PSD2: variants seen among roughly 807,000 people sequenced by gnomAD.
PSD2 encodes PH and SEC7 domain-containing protein 2.
Under a neutral mutation model 69.8 loss-of-function variants are expected in PSD2, and 38 were observed. The observed-to-expected ratio is 0.54, with a 90% CI of 0.42 to 0.71. The LOEUF is 0.71. Among genes scored for constraint, PSD2 ranks in the 30% least tolerant of loss-of-function variants. The pLI, the probability that PSD2 is intolerant of heterozygous loss-of-function variation, is 0.00. For synonymous variants in PSD2, 412 were observed against 423.0 expected, an observed-to-expected ratio of 0.97 and a Z score of 0.32; for missense variants, 943 against 1,014.5, an observed-to-expected ratio of 0.93 and a Z score of 0.96.
chr5:139,817,478 C>A lies in PSD2; in HGVS notation c.1017-3C>A. The A allele has an allele frequency of 1.2e-6, 2 of 1,613,568 alleles. No individual in the cohort carries two copies. Among genetic ancestry groups the A allele is most frequent in the South Asian group, 1.1e-5 (1 of 91,080 alleles). On this transcript the variant is annotated splice_region_variant and splice_polypyrimidine_tract_variant and intron_variant, in intron 4 of 14. Transcript: ENST00000274710. ...TAACAGACATCCCATACTCTCCTGG[C>A]AGCAACGAGTTTAGCAGGCTGGTGG... is the stretch of plus-strand genomic sequence containing the variant.
chr5:139,764,661 C>T, the PSD2 span, among the ~76,000 whole-genome samples: 6 of 152,160 alleles, frequency 3.9e-5, no homozygotes, highest in Non-Finnish European at 7.4e-5. Context: ...CCCTCCCGGC[C>T]CAGCAGCCAG....
chr5:139,826,137 G>A (rs1417898115), intron 7 of PSD2, among the ~76,000 whole-genome samples: 1 of 152,174 alleles, frequency 6.6e-6, no homozygotes, highest in Non-Finnish European at 1.5e-5. Context: ...TGGGTGGGAT[G>A]GTCAAGGTCA....
intron 1 of PSD2, among the ~76,000 whole-genome samples, chr5:139,796,895 A>G (rs983012761): frequency 2.6e-5 from 4 of 152,146 alleles, no homozygotes; most frequent in Non-Finnish European, 5.9e-5. Context: ...GCCAGGCTGA[A>G]TTTGATGGGG....
In PSD2 at chr5:139,821,973, G is replaced by A; in HGVS notation, c.1178G>A (p.Cys393Tyr). The A allele has an allele frequency of 1.9e-6, 3 of 1,609,576 alleles. No individual in the cohort carries two copies. Among genetic ancestry groups the A allele is most frequent in the East Asian group, 2.2e-5 (1 of 44,670 alleles). Reference sequence around the variant, plus strand: ...CTCACACACTTCTCCCGCCGGTACTGCCAGTGCAACCCTGATGACAGCACT... The same window carrying A: ...CTCACACACTTCTCCCGCCGGTACTACCAGTGCAACCCTGATGACAGCACT... ...RVLTHFSRRY[C>Y]QCNPDDSTSE... Residue 393 changes from cysteine (C) to tyrosine (Y), a missense_variant, in exon 6 of 15, where the codon TGC (cysteine) becomes TAC (tyrosine). By Grantham distance (194) the Cys-to-Tyr change is radical. Coordinates refer to ENST00000274710, the MANE Select transcript of PSD2 (RefSeq NM_032289.4).
At chr5:139,772,950 C>A in the PSD2 span, 2 of 152,184 alleles carry the variant, frequency 1.3e-5, no homozygotes, top group African/African-American at 4.8e-5. Flanking sequence ...GATACAGGTA[C>A]TGTTCTTATG....
At chr5:139,813,812 C>T in intron 3 of PSD2, 54 bp downstream of exon 3, 1 of 1,467,726 alleles carries the variant, frequency 6.8e-7, no homozygotes, top group Non-Finnish European at 9.2e-7. Context: ...AAACTGAGAC[C>T]CAGAGGGGGC....
chr5:139,768,381 T>C, the PSD2 span, among the ~76,000 whole-genome samples: 1 of 152,140 alleles, frequency 6.6e-6, no homozygotes, highest in African/African-American at 2.4e-5. Flanking sequence ...AAAGAGAATG[T>C]GACCCACTCA....
Position 139,809,766 on chromosome 5 carries a change from A to G in PSD2, c.326A>G (p.Asn109Ser), listed in dbSNP as rs780382846. The G allele has an allele frequency of 8.7e-6, 14 of 1,614,194 alleles. No individual in the cohort carries two copies. The African/African-American group carries it at 1.1e-4, about 12-fold the overall frequency. ...GCTGGCGTGCTGGCAGAGGGGGACA[A>G]TGCTTCCAGGAGCCTCTACCCAGAT... ...WRAGVLAEGDNASRSLYPDAE... is the reference protein window; with the variant it reads ...WRAGVLAEGDSASRSLYPDAE... Residue 109 changes from asparagine to serine, a missense_variant, in exon 2 of 15, where the codon AAT becomes AGT. Asn to Ser is a conservative substitution (Grantham distance 46, BLOSUM62 1). Around this residue, in one of 3 missense-constraint regions of PSD2, gnomAD observed 466 missense variants for 445.0 expected, o/e 1.05. Coordinates refer to ENST00000274710, the MANE Select transcript of PSD2 (RefSeq NM_032289.4).
intron 8 of PSD2, among the ~76,000 whole-genome samples, chr5:139,835,266 C>G (rs899028922): frequency 3.9e-5 from 6 of 151,960 alleles, no homozygotes; most frequent in Admixed American, 2.6e-4. Flanking sequence ...CCTCTGTCTA[C>G]CCACCCATCT....
chr5:139,822,099 G>A (rs576516949), intron 6 of PSD2, 94 bp downstream of exon 6: 2 of 713,994 alleles, frequency 2.8e-6, no homozygotes, highest in East Asian at 2.7e-5. Context: ...CTTCGGTCCT[G>A]TTGCCAGGCC....
At position 139,814,130 on chromosome 5, in the gene PSD2, G is replaced by A. The variant is rs199986764; in HGVS notation, c.822-40G>A. 5.6e-6 allele frequency: 9 copies of A among 1,598,676 alleles called. 1 individual carries two copies. The Admixed American group carries it at 8.8e-5, about 16-fold the overall frequency. On this transcript the variant is annotated intron_variant, in intron 3 of 14. Transcript: ENST00000274710. The surrounding 1 kb of genome is among the most constrained non-coding windows in gnomAD (Gnocchi z 4.4). ...GCCTCCTCTGGGGCCTTTGACCCTG[G>A]GCCTCTGACGCTACTCTTCCACCCA... is the stretch of plus-strand genomic sequence containing the variant.
chr5:139,809,915 CAT>C, intron 2 of PSD2, 104 bp downstream of exon 2: 1 of 1,267,314 alleles, frequency 7.9e-7, no homozygotes, highest in South Asian at 1.3e-5. Flanking sequence ...TTTTCTCACA[CAT>C]AAAATGGGGA....
intron 7 of PSD2, among the ~76,000 whole-genome samples, chr5:139,833,096 T>C (rs1270584712): frequency 6.6e-6 from 1 of 152,154 alleles, no homozygotes; most frequent in Non-Finnish European, 1.5e-5. Context: ...GCTGCCCCTC[T>C]GTGCAGGTGA....
intron 1 of PSD2, among the ~76,000 whole-genome samples, chr5:139,797,401 G>A (rs1405443309): frequency 1.3e-5 from 2 of 152,222 alleles, no homozygotes; most frequent in East Asian, 3.9e-4. Context: ...TCCTTGGAAG[G>A]CCTCCCTCAC....
the PSD2 span, among the ~76,000 whole-genome samples, chr5:139,746,969 G>A: frequency 1.3e-5 from 2 of 152,166 alleles, no homozygotes; most frequent in Admixed American, 1.3e-4. This position sits in a 1 kb window ranked among gnomAD's most constrained non-coding sequence, Gnocchi z 4.5. Context: ...GCTCGAGGCA[G>A]CCTGCATTTC....
chr5:139,755,125 C>T, the PSD2 span, among the ~76,000 whole-genome samples: 1 of 152,340 alleles, frequency 6.6e-6, no homozygotes, highest in South Asian at 2.1e-4. Flanking sequence ...CCATCTGCCC[C>T]AGCCTCATGG....
At chr5:139,823,213 C>T (rs1386571453) in intron 7 of PSD2, among the ~76,000 whole-genome samples, 5 of 152,218 alleles carry the variant, frequency 3.3e-5, no homozygotes, top group South Asian at 4.1e-4. Flanking sequence ...GTGTCTGGTC[C>T]AGGCCCCAGG....
chr5:139,752,352 C>T, the PSD2 span, among the ~76,000 whole-genome samples: 1 of 152,192 alleles, frequency 6.6e-6, no homozygotes. Flanking sequence ...ACACATCCAG[C>T]CCAGCTCAAC....
chr5:139,774,408 C>T, the PSD2 span, among the ~76,000 whole-genome samples: 5 of 152,194 alleles, frequency 3.3e-5, 1 homozygote, highest in Admixed American at 1.3e-4. Context: ...GAATAATGGG[C>T]AGGGGGAATG....
Sources: gnomAD v4.1 joint callset for allele counts (sites outside exome capture counted in the v4.1 genomes callset) on GRCh38, gnomAD v4.1.1 for gene constraint, gnomAD v4.1.1 regional missense constraint, Gnocchi (gnomAD v3.1) non-coding constraint, MANE v1.5 for transcripts, NCBI Gene and HGNC (gene_info 2026-07-23, HGNC 2026-07-21) for gene names.